The following DLC1 variants were observed in gnomAD, a reference collection of about 807,000 sequenced individuals.
The protein encoded by DLC1 is rho GTPase-activating protein 7.
Under a neutral mutation model 140.3 loss-of-function variants are expected in DLC1, and 54 were observed. The ratio of observed to expected loss-of-function variants is 0.38; its 90% CI spans 0.31 to 0.48. DLC1 has a LOEUF of 0.48. Ranked by LOEUF, DLC1 falls within the 20% of genes least tolerant of loss-of-function variation. The pLI is 0.96. For missense variants in DLC1, 2,536 were observed against 1,907.0 expected, an observed-to-expected ratio of 1.33 and a Z score of -6.14; for synonymous variants, 986 against 728.1, an observed-to-expected ratio of 1.35 and a Z score of -5.70.
At chr8:13,158,300 T>C (rs1359247383) in intron 5 of DLC1, among the ~76,000 whole-genome samples, 1 of 151,966 alleles carries the variant, frequency 6.6e-6, no homozygotes, top group East Asian at 1.9e-4. Flanking sequence ...TCTTTCTACA[T>C]AATAAACAAA....
At chr8:13,139,027 G>C (rs1244086991) in intron 5 of DLC1, among the ~76,000 whole-genome samples, 1 of 152,020 alleles carries the variant, frequency 6.6e-6, no homozygotes, top group African/African-American at 2.4e-5. Flanking sequence ...GTTCATGCCT[G>C]TAATCCCAGC....
chr8:13,408,877 C>A (rs1837673343), intron 2 of DLC1, among the ~76,000 whole-genome samples: 1 of 152,018 alleles, frequency 6.6e-6, no homozygotes, highest in Non-Finnish European at 1.5e-5. Context: ...GGTTTGAAAA[C>A]ATAAGAAAAA....
chr8:13,470,361 T>C (rs1247486918), intron 2 of DLC1, among the ~76,000 whole-genome samples: 1 of 152,100 alleles, frequency 6.6e-6, no homozygotes, highest in Admixed American at 6.5e-5. Context: ...AAGGAGTTCA[T>C]ATAACTCAAT....
chr8:13,285,150 A>G (rs969840778), intron 5 of DLC1, among the ~76,000 whole-genome samples: 4 of 152,210 alleles, frequency 2.6e-5, no homozygotes, highest in Non-Finnish European at 5.9e-5. Context: ...AGCGACAGTA[A>G]TCAAGACAGG....
At chr8:13,265,947 T>A (rs932493300) in intron 5 of DLC1, among the ~76,000 whole-genome samples, 1 of 152,220 alleles carries the variant, frequency 6.6e-6, no homozygotes, top group African/African-American at 2.4e-5. Flanking sequence ...TGCTTTGACA[T>A]AATTATTCTG....
intron 5 of DLC1, among the ~76,000 whole-genome samples, chr8:13,120,624 T>C (rs909438531): frequency 1.3e-5 from 2 of 151,892 alleles, no homozygotes; most frequent in Non-Finnish European, 2.9e-5. Context: ...CACTAGAAAC[T>C]AAAAATACAA....
chr8:13,419,158 A>C (rs1838200688), intron 2 of DLC1, among the ~76,000 whole-genome samples: 1 of 152,174 alleles, frequency 6.6e-6, no homozygotes, highest in East Asian at 1.9e-4. Flanking sequence ...TGTGGTCTGC[A>C]AACAGGGACA....
At chr8:13,388,230 G>C (rs569782149) in intron 4 of DLC1, among the ~76,000 whole-genome samples, 2 of 151,926 alleles carry the variant, frequency 1.3e-5, no homozygotes, top group African/African-American at 2.4e-5. Context: ...GTATTTTATT[G>C]GCATTATAAT....
At chr8:13,139,955 T>A (rs1822851010) in intron 5 of DLC1, among the ~76,000 whole-genome samples, 1 of 152,232 alleles carries the variant, frequency 6.6e-6, no homozygotes, top group Non-Finnish European at 1.5e-5. Context: ...TCTAGTAGCA[T>A]TAAGTACAGT....
intron 4 of DLC1, among the ~76,000 whole-genome samples, chr8:13,360,458 G>C (rs1835170357): frequency 6.6e-6 from 1 of 152,124 alleles, no homozygotes; most frequent in South Asian, 2.1e-4. Flanking sequence ...TCCTCTACTA[G>C]TAGTTCTTAA....
intron 1 of DLC1, among the ~76,000 whole-genome samples, chr8:13,542,665 T>C (rs888769336): frequency 5.9e-5 from 9 of 152,154 alleles, no homozygotes; most frequent in Non-Finnish European, 1.3e-4. Flanking sequence ...TTTTAAACAT[T>C]TAGCAATGTT....
chr8:13,131,678 CTAA>C (rs1009159062), intron 5 of DLC1, among the ~76,000 whole-genome samples: 9 of 152,184 alleles, frequency 5.9e-5, no homozygotes, highest in Non-Finnish European at 1.3e-4. Flanking sequence ...AGGCAACCTG[CTAA>C]TCACTTTACT....
At chr8:13,259,309 A>G (rs552873760) in intron 5 of DLC1, among the ~76,000 whole-genome samples, 3 of 152,248 alleles carry the variant, frequency 2.0e-5, no homozygotes, top group Middle Eastern at 3.4e-3. Context: ...CCCACAGACT[A>G]TCCAGTGCTG....
intron 1 of DLC1, among the ~76,000 whole-genome samples, chr8:13,553,576 T>G (rs1803938991): frequency 6.6e-6 from 1 of 151,950 alleles, no homozygotes. Context: ...GGTCTCAAAC[T>G]CCTGGGCTCT....
At chr8:13,398,369 A>G (rs1056836944) in intron 3 of DLC1, among the ~76,000 whole-genome samples, 1 of 152,118 alleles carries the variant, frequency 6.6e-6, no homozygotes, top group East Asian at 1.9e-4. Flanking sequence ...TAGGTGGTGG[A>G]GAAAATACAG....
At position 13,459,933 on chromosome 8, in the gene DLC1, G is replaced by C. The variant is rs150871790; in HGVS notation, c.1023+39116C>G. 6.0e-3 allele frequency among the ~76,000 whole-genome samples: 906 copies of C among 152,224 alleles called. 8 individuals carry two copies. The highest frequency in any genetic ancestry group is 0.034 in the South Asian group (162 of 4,822). ...CCCTCATCTCGCCCAATATCGCTTT[G>C]TGTGTATTGTGCCGGGAAGGACCTC... On this transcript the variant is annotated intron_variant, in intron 2 of 17. Coordinates refer to ENST00000276297, the MANE Select transcript of DLC1 (RefSeq NM_182643.3).
At chr8:13,088,759 T>C in intron 15 of DLC1, 55 bp from the exon 16 acceptor site, 1 of 1,534,576 alleles carries the variant, frequency 6.5e-7, no homozygotes, top group South Asian at 1.2e-5. Flanking sequence ...ACCTAGTTTT[T>C]GAAGTCGAAT....
At chr8:13,471,473 A>T (rs531815152) in intron 2 of DLC1, among the ~76,000 whole-genome samples, 6 of 134,460 alleles carry the variant, frequency 4.5e-5, no homozygotes, top group Admixed American at 4.4e-4. Context: ...GGAAGGAATG[A>T]AGGAAGGAAG....
At chr8:13,577,504 T>C (rs926538422) in intron 1 of DLC1, among the ~76,000 whole-genome samples, 6 of 152,232 alleles carry the variant, frequency 3.9e-5, no homozygotes, top group Non-Finnish European at 5.9e-5. Flanking sequence ...TTAAATTTAA[T>C]GGGATTCTTG....
Sources: allele counts gnomAD v4.1 joint callset (sites outside exome capture counted in the v4.1 genomes callset), GRCh38; gene constraint gnomAD v4.1.1; transcripts MANE v1.5; gene names NCBI Gene and HGNC (gene_info 2026-07-23, HGNC 2026-07-21).